Variants in EVC2 observed in about 807,000 individuals in gnomAD.
EVC2 encodes limbin.
EVC2 carries 148 observed loss-of-function variants against 149.3 expected under a neutral mutation model. The observed-to-expected ratio is 0.99, with a 90% CI of 0.87 to 1.14. The LOEUF (loss-of-function observed/expected upper bound fraction) is 1.14, where lower values mean the gene tolerates loss of function less well. Among genes scored for constraint, EVC2 ranks in the 50% most tolerant of loss-of-function variants. The probability of loss-of-function intolerance (pLI) is 0.00; values close to 1 mark genes in which losing one functional copy is unlikely to be tolerated. For synonymous variants in EVC2, 776 were observed against 649.9 expected, an observed-to-expected ratio of 1.19 and a Z score of -2.95; for missense variants, 1,854 against 1,627.3, an observed-to-expected ratio of 1.14 and a Z score of -2.40.
intron 16 of EVC2, among the ~76,000 whole-genome samples, chr4:5,594,928 C>T (rs986511578): frequency 6.6e-6 from 1 of 152,108 alleles, no homozygotes; most frequent in Non-Finnish European, 1.5e-5. Flanking sequence ...AATGCAGAAG[C>T]CTCCGGAGCC....
chr4:5,640,384 G>A lies in EVC2; in HGVS notation c.1470+130C>T. 2 of 1,036,752 alleles carry A rather than the reference G, an allele frequency of 1.9e-6. No individual in the cohort carries two copies. The highest frequency in any genetic ancestry group is 3.0e-6 in the Non-Finnish European group (2 of 660,050). The allele number at this position is 1,036,752 out of a possible 1,614,324, so 64.2% of individuals were successfully genotyped here. Reference sequence around the variant, plus strand: ...TGAATGGAAGGATGAATAGATGAATGAGTGGGTGGTTGGATGGATGATGGG... The same window carrying A: ...TGAATGGAAGGATGAATAGATGAATAAGTGGGTGGTTGGATGGATGATGGG... On this transcript the variant is annotated intron_variant, in intron 10 of 21. Transcript: ENST00000344408. The surrounding 1 kb of genome is among the most constrained non-coding windows in gnomAD (Gnocchi z 4.6).
intron 2 of EVC2, among the ~76,000 whole-genome samples, chr4:5,697,075 G>A (rs1165418658): frequency 6.6e-6 from 1 of 152,192 alleles, no homozygotes; most frequent in Non-Finnish European, 1.5e-5. Context: ...AAATGGAGGA[G>A]GGCAGTATCC....
intron 1 of EVC2, among the ~76,000 whole-genome samples, chr4:5,702,934 A>C (rs1721915152): frequency 6.6e-6 from 1 of 152,234 alleles, no homozygotes. Flanking sequence ...ATAAATGTAA[A>C]GCTTAGCATA....
rs1226486984 is a variant in EVC2 at position 5,686,140 on chromosome 4, AGAG to A, written c.707-664_707-662del. ...CACACACACACACAGAGTAAAGAAA[AGAG>A]GAGGAACGCTCACTTAGCCTAAGGA... On this transcript the variant is annotated intron_variant, in intron 5 of 21. Coordinates refer to ENST00000344408, the MANE Select transcript of EVC2 (RefSeq NM_147127.5). The surrounding 1 kb of genome is among the most constrained non-coding windows in gnomAD (Gnocchi z 5.4). Among the ~76,000 whole-genome samples, 1 of 151,796 alleles carries A rather than the reference AGAG, an allele frequency of 6.6e-6. No individual in the cohort carries two copies. Among genetic ancestry groups the A allele is most frequent in the Admixed American group, 6.6e-5 (1 of 15,232 alleles).
intron 9 of EVC2, among the ~76,000 whole-genome samples, chr4:5,644,341 T>C (rs1717554432): frequency 6.6e-6 from 1 of 152,194 alleles, no homozygotes; most frequent in Non-Finnish European, 1.5e-5. Context: ...AGTTTCACTC[T>C]GTTGCCAGGC....
chr4:5,640,983 T>C lies in EVC2; in HGVS notation c.1146-145A>G. ...TCTTCCTTTCCCCGCTCACTTCTGCTTCATCCAGTTATTGAAGGCCATTAG... is the reference window on the plus strand; with the variant it reads ...TCTTCCTTTCCCCGCTCACTTCTGCCTCATCCAGTTATTGAAGGCCATTAG... On this transcript the variant is annotated intron_variant, in intron 9 of 21. Transcript: ENST00000344408. This position sits in a 1 kb window ranked among gnomAD's most constrained non-coding sequence, Gnocchi z 4.6. 2 of 921,990 alleles carry C rather than the reference T, an allele frequency of 2.2e-6. No homozygotes were observed. The highest frequency in any genetic ancestry group is 3.4e-6 in the Non-Finnish European group (2 of 593,568). The allele number at this position is 921,990 out of a possible 1,614,324, so 57.1% of individuals were successfully genotyped here.
intron 16 of EVC2, among the ~76,000 whole-genome samples, chr4:5,604,892 C>T (rs750344792): frequency 6.6e-6 from 1 of 151,472 alleles, no homozygotes; most frequent in African/African-American, 2.4e-5. Context: ...CCCCTTCCAC[C>T]TCCTTCAACT....
intron 6 of EVC2, among the ~76,000 whole-genome samples, chr4:5,683,112 A>C (rs528956620): frequency 1.3e-5 from 2 of 152,356 alleles, no homozygotes; most frequent in South Asian, 4.1e-4. Context: ...GAAAATCAAA[A>C]TACCGTAAGT....
At chr4:5,552,248 T>C (rs1199082741) in intron 21 of EVC2, among the ~76,000 whole-genome samples, 2 of 152,200 alleles carry the variant, frequency 1.3e-5, no homozygotes, top group African/African-American at 4.8e-5. Context: ...ACATTCTTCC[T>C]CTCTCTCCAG....
intron 9 of EVC2, among the ~76,000 whole-genome samples, chr4:5,662,013 TAAG>T (rs1212888600): frequency 6.6e-6 from 1 of 152,194 alleles, no homozygotes; most frequent in Non-Finnish European, 1.5e-5. Context: ...ATTAACTACA[TAAG>T]AAGAACTGAA....
intron 9 of EVC2, among the ~76,000 whole-genome samples, chr4:5,656,817 A>T (rs1052474751): frequency 1.3e-5 from 2 of 152,154 alleles, no homozygotes; most frequent in Non-Finnish European, 2.9e-5. Flanking sequence ...GCATGAAACC[A>T]CCAAGGTTAC....
intron 7 of EVC2, among the ~76,000 whole-genome samples, chr4:5,680,154 G>A (rs1050704055): frequency 2.0e-5 from 3 of 152,196 alleles, no homozygotes; most frequent in Non-Finnish European, 4.4e-5. Context: ...CCCTCCTGAC[G>A]GACCTGCCTG....
the EVC2 span, among the ~76,000 whole-genome samples, chr4:5,534,355 G>T: frequency 6.6e-6 from 1 of 152,230 alleles, no homozygotes; most frequent in Admixed American, 6.5e-5. Context: ...GGTTCAGCGA[G>T]TGAGTGGATG....
chr4:5,574,574 A>G, intron 19 of EVC2, 111 bp downstream of exon 19: 1 of 1,101,866 alleles, frequency 9.1e-7, no homozygotes, highest in South Asian at 1.3e-5. Flanking sequence ...TGCAGGTTCC[A>G]AGGCTGGCTT....
rs1001393610 is a variant in EVC2 at position 5,691,319 on chromosome 4, T to C, written c.465A>G (p.Ser155=). The C allele has an allele frequency of 6.2e-7, 1 of 1,612,946 alleles. No individual in the cohort carries two copies. Among genetic ancestry groups the C allele is most frequent in the Non-Finnish European group, 8.5e-7 (1 of 1,179,150 alleles). The change falls in exon 4 of 22, where the codon TCA becomes TCG. Residue 155 remains serine (S), a synonymous_variant. Coordinates refer to ENST00000344408, the MANE Select transcript of EVC2 (RefSeq NM_147127.5). ...TTTCAGAAGTCCCTTGAACTTCTCT[T>C]GAAATGTCCCCATACTACAATAAAA... ...PITHRLYGDI[S]REVQGTSENG...
At chr4:5,662,135 A>G (rs1430392456) in intron 9 of EVC2, among the ~76,000 whole-genome samples, 1 of 152,164 alleles carries the variant, frequency 6.6e-6, no homozygotes, top group Non-Finnish European at 1.5e-5. Flanking sequence ...ACACTTGGCT[A>G]CTGACATCTC....
intron 7 of EVC2, among the ~76,000 whole-genome samples, chr4:5,666,719 T>C (rs1320417598): frequency 6.6e-6 from 1 of 152,240 alleles, no homozygotes; most frequent in Non-Finnish European, 1.5e-5. Context: ...GCCTTCTATA[T>C]TGTCACAGCA....
intron 1 of EVC2, chr4:5,707,989 G>A (rs1286273560): frequency 1.5e-5 from 4 of 267,760 alleles, no homozygotes; most frequent in Non-Finnish European, 2.1e-5. Context: ...AGGAAACTGG[G>A]GCACAGGAGT....
At chr4:5,671,008 C>T (rs1719614267) in intron 7 of EVC2, among the ~76,000 whole-genome samples, 1 of 152,182 alleles carries the variant, frequency 6.6e-6, no homozygotes, top group African/African-American at 2.4e-5. Flanking sequence ...GGCAGCAACA[C>T]CATTACCACT....
Sources: allele counts gnomAD v4.1 joint callset (sites outside exome capture counted in the v4.1 genomes callset), GRCh38; gene constraint gnomAD v4.1.1; non-coding constraint Gnocchi (gnomAD v3.1); transcripts MANE v1.5; gene names NCBI Gene and HGNC (gene_info 2026-07-23, HGNC 2026-07-21).